SEC14L1: variants seen among roughly 807,000 people sequenced by gnomAD.
SEC14L1 encodes the protein SEC14 like lipid binding 1, also known as SEC14-like protein 1.
Under a neutral mutation model 85.3 loss-of-function variants are expected in SEC14L1, and 48 were observed. The ratio of observed to expected loss-of-function variants is 0.56; its 90% confidence interval spans 0.45 to 0.72. The LOEUF (loss-of-function observed/expected upper bound fraction) is 0.72, where lower values mean the gene tolerates loss of function less well. Among genes scored for constraint, SEC14L1 ranks in the 30% least tolerant of loss-of-function variants. SEC14L1 has a pLI of 0.00. For synonymous variants in SEC14L1, 391 were observed against 355.5 expected, an observed-to-expected ratio of 1.10 and a Z score of -1.12; for missense variants, 682 against 921.4, an observed-to-expected ratio of 0.74 and a Z score of 3.36.
chr17:77,109,940 G>A (rs1214871096), intron 3 of SEC14L1, among the ~76,000 whole-genome samples: 1 of 152,044 alleles, frequency 6.6e-6, no homozygotes, highest in South Asian at 2.1e-4. Context: ...ATCATAATTT[G>A]TAGGCTCGCA....
At chr17:77,195,043 C>T (rs990923512) in intron 7 of SEC14L1, 132 bp downstream of exon 7, 10 of 652,432 alleles carry the variant, frequency 1.5e-5, no homozygotes, top group Admixed American at 1.2e-4. Flanking sequence ...ACCCGTCTCT[C>T]GTTTCTGGCC....
intron 3 of SEC14L1, among the ~76,000 whole-genome samples, chr17:77,166,481 C>G (rs1460012215): frequency 2.0e-5 from 3 of 152,096 alleles, no homozygotes; most frequent in Non-Finnish European, 4.4e-5. Context: ...ATCCTGGGTT[C>G]AAATTCTCTC....
At chr17:77,159,530 A>G (rs1255460920) in intron 3 of SEC14L1, among the ~76,000 whole-genome samples, 1 of 151,546 alleles carries the variant, frequency 6.6e-6, no homozygotes, top group Non-Finnish European at 1.5e-5. Context: ...ACAGGTGCCC[A>G]CCACCAAGCC....
At chr17:77,110,385 G>C (rs572503302) in intron 3 of SEC14L1, among the ~76,000 whole-genome samples, 1 of 152,280 alleles carries the variant, frequency 6.6e-6, no homozygotes, top group South Asian at 2.1e-4. Flanking sequence ...GAATAACTTT[G>C]CCCTGGGTGA....
Position 77,214,270 on chromosome 17 carries a change from G to T in SEC14L1, c.*247G>T. 7.7e-7 allele frequency: 1 copy of T among 1,301,268 alleles called. No homozygotes were observed. Among genetic ancestry groups the T allele is most frequent in the Non-Finnish European group, 9.8e-7 (1 of 1,025,058 alleles). 80.6% of individuals were successfully genotyped at this position (1,301,268 alleles called of 1,614,324 possible). On this transcript the variant is annotated 3_prime_UTR_variant, in exon 17 of 17. Transcript: ENST00000436233. ...GTTGTGCACAAAATCCAACCAGAGC[G>T]CAAGGGCTCTCTTGAAAGAAAAGTA...
chr17:77,189,447 G>T (rs888813542), intron 3 of SEC14L1, among the ~76,000 whole-genome samples: 3 of 152,104 alleles, frequency 2.0e-5, no homozygotes, highest in Non-Finnish European at 4.4e-5. Context: ...CTCCATTTTG[G>T]TTTGGTCTGC....
intron 3 of SEC14L1, among the ~76,000 whole-genome samples, chr17:77,175,096 A>G (rs118132547): frequency 0.014 from 2,086 of 152,348 alleles, 29 homozygotes; most frequent in Non-Finnish European, 0.022. Context: ...CAACAAGAGC[A>G]GGAGGGTTGT....
rs548909823 is a variant in SEC14L1, at chr17:77,186,439, C to T, written c.64-4364C>T. On this transcript the variant is annotated intron_variant, in intron 3 of 16. Coordinates refer to ENST00000436233, the MANE Select transcript of SEC14L1 (RefSeq NM_001143998.2). The stretch of plus-strand genomic sequence containing the variant: ...AGGCTTTCCCCACGCTGCCTCTCCA[C>T]GCAGAGCGTGTTCTCCCCCTTCTGC... 2.0e-5 allele frequency among the ~76,000 whole-genome samples: 3 copies of T among 152,266 alleles called. No individual in the cohort carries two copies. The South Asian group carries it at 6.2e-4, about 31-fold the overall frequency.
chr17:77,214,239 G>C lies in SEC14L1; in HGVS notation c.*216G>C. 3 of 1,366,734 alleles carry C rather than the reference G, an allele frequency of 2.2e-6. No homozygotes were observed. In the South Asian group the frequency reaches 5.3e-5, roughly 24 times the overall value. The allele number at this position is 1,366,734 out of a possible 1,614,324, so 84.7% of individuals were successfully genotyped here. A position where few individuals can be genotyped will look rare whatever the true frequency, so the allele number is the denominator to read the frequency against. On this transcript the variant is annotated 3_prime_UTR_variant, in exon 17 of 17. Transcript: ENST00000436233. ...ACTTAACTCAATAGCCATAGATTTT[G>C]TATACGTTGTGCACAAAATCCAACC...
In SEC14L1 at chr17:77,119,026, C is replaced by T. The variant is rs150000910; in HGVS notation, c.-135-23620C>T. On this transcript the variant is annotated intron_variant, in intron 3 of 19. Coordinates refer to the SEC14L1 transcript ENST00000392476. ...TGAAGGAAGAAAAATACAGCCTGTA[C>T]AGGCCGGGTACAGTGGCTCATGTCT... is the stretch of plus-strand genomic sequence containing the variant. 3.3e-3 allele frequency among the ~76,000 whole-genome samples: 498 copies of T among 152,100 alleles called. 3 individuals are homozygous for T. Among genetic ancestry groups the T allele is most frequent in the African/African-American group, 0.011 (475 of 41,514 alleles).
At position 77,193,411 on chromosome 17, in the gene SEC14L1, T is replaced by C; in HGVS notation, c.346-10T>C. The C allele has an allele frequency of 1.3e-6, 2 of 1,592,288 alleles. No homozygotes were observed. Among genetic ancestry groups the C allele is most frequent in the Non-Finnish European group, 1.7e-6 (2 of 1,164,882 alleles). The stretch of plus-strand genomic sequence containing the variant: ...TTCAGTCAGTGAGAGTGCTTTCTCT[T>C]TATCTGCAGGTTCACCCTGAAAATG... On this transcript the variant is annotated splice_polypyrimidine_tract_variant and intron_variant, in intron 5 of 16. Coordinates refer to ENST00000436233, the MANE Select transcript of SEC14L1 (RefSeq NM_001143998.2).
chr17:77,150,055 G>C (rs138725309), intron 3 of SEC14L1, among the ~76,000 whole-genome samples: 138 of 152,310 alleles, frequency 9.1e-4, no homozygotes, highest in African/African-American at 3.2e-3. Flanking sequence ...TGCTCTCAGA[G>C]TAACCACAGT....
At chr17:77,090,085 T>C (rs1271222415) in intron 2 of SEC14L1, 2 of 150,738 alleles carry the variant, frequency 1.3e-5, no homozygotes, top group East Asian at 2.0e-4. Context: ...TCCCAACACT[T>C]TGGGAGGCCG....
At chr17:77,123,586 G>GTT (rs1019527043) in intron 3 of SEC14L1, among the ~76,000 whole-genome samples, 1 of 145,582 alleles carries the variant, frequency 6.9e-6, no homozygotes, top group African/African-American at 2.5e-5. Context: ...TATTTTCTTT[G>GTT]TTTTTTTTTT....
intron 3 of SEC14L1, chr17:77,143,961 T>A (rs1973165066): frequency 3.7e-6 from 1 of 273,420 alleles, no homozygotes. Flanking sequence ...GTGCTCTTTT[T>A]TTCCTTCGTT....
chr17:77,161,491 C>CT (rs1555621986), intron 3 of SEC14L1, among the ~76,000 whole-genome samples: 2 of 151,882 alleles, frequency 1.3e-5, no homozygotes, highest in Admixed American at 1.3e-4. Flanking sequence ...AAATGATACT[C>CT]TATCTCAAAA....
chr17:77,216,652 C>G lies in SEC14L1; in HGVS notation c.*2629C>G, dbSNP rs192791483. The stretch of plus-strand genomic sequence containing the variant: ...TTTGAATTGCAGCCATCCCCTGCCC[C>G]CTCCCAGGCTGAAGATCTGTTCTTT... On this transcript the variant is annotated 3_prime_UTR_variant, in exon 17 of 17. Transcript: ENST00000436233. The G allele has an allele frequency of 7.5e-6, 12 of 1,607,308 alleles. No homozygotes were observed. The highest frequency in any genetic ancestry group is 3.3e-5 in the South Asian group (3 of 90,856).
Position 77,213,854 on chromosome 17 carries a change from G to C in SEC14L1, c.2043-64G>C. 1.3e-6 allele frequency: 2 copies of C among 1,591,002 alleles called. No individual in the cohort carries two copies. On this transcript the variant is annotated intron_variant, in intron 16 of 16. Transcript: ENST00000436233. The surrounding 1 kb of genome is among the most constrained non-coding windows in gnomAD (Gnocchi z 7.1). ...GGTGGGCCACGAAGTCCAGCAGGCA[G>C]TGTGGGCCGGCGGGTGGTTGGCAGG... is the stretch of plus-strand genomic sequence containing the variant.
chr17:77,159,264 G>A (rs568859818), intron 3 of SEC14L1, among the ~76,000 whole-genome samples: 4 of 150,638 alleles, frequency 2.7e-5, no homozygotes, highest in East Asian at 2.0e-4. Flanking sequence ...ATGGGGGTTC[G>A]CCCTCTTGGC....
Sources: gnomAD v4.1 joint callset for allele counts (sites outside exome capture counted in the v4.1 genomes callset) on GRCh38, gnomAD v4.1.1 for gene constraint, Gnocchi (gnomAD v3.1) non-coding constraint, MANE v1.5 for transcripts, NCBI Gene and HGNC (gene_info 2026-07-23, HGNC 2026-07-21) for gene names.